SLC24A3: variants seen among roughly 807,000 people sequenced by gnomAD.
SLC24A3 encodes solute carrier family 24 member 3.
A neutral mutation model predicts 75.8 loss-of-function variants in SLC24A3; 28 were observed. The observed-to-expected ratio is 0.37, with a 90% confidence interval of 0.27 to 0.51. The LOEUF is 0.51. SLC24A3 is among the 20% of genes least tolerant of loss of function. SLC24A3 has a pLI of 0.94. For synonymous variants in SLC24A3, 372 were observed against 334.1 expected (o/e 1.11, Z -1.24); for missense variants, 663 against 847.8 (o/e 0.78, Z 2.71).
At position 19,593,784 on chromosome 20, in the gene SLC24A3, G is replaced by GC. The variant is rs1444643590; in HGVS notation, c.612+8243dup. Among the ~76,000 whole-genome samples, 6 of 152,264 alleles carry GC rather than the reference G, an allele frequency of 3.9e-5. No homozygotes were observed. The East Asian group carries it at 1.2e-3, about 29-fold the overall frequency. On this transcript the variant is annotated intron_variant, in intron 6 of 16. Coordinates refer to ENST00000328041, the MANE Select transcript of SLC24A3 (RefSeq NM_020689.4). Reference sequence around the variant, plus strand: ...CCTCAACATTCCTTCACAGCTCAGTGCCCTCTTATCACCATGCAACCCACT... The same window carrying GC: ...CCTCAACATTCCTTCACAGCTCAGTGCCCCTCTTATCACCATGCAACCCACT...
chr20:19,224,708 G>C (rs1309607249), intron 1 of SLC24A3, among the ~76,000 whole-genome samples: 2 of 152,098 alleles, frequency 1.3e-5, no homozygotes, highest in African/African-American at 4.8e-5. Flanking sequence ...AACTCTTGGG[G>C]ACCATTGAAT....
chr20:19,510,275 A>C (rs1032312387), intron 2 of SLC24A3, among the ~76,000 whole-genome samples: 2 of 152,202 alleles, frequency 1.3e-5, no homozygotes, highest in African/African-American at 2.4e-5. Context: ...CCTAAGTCTT[A>C]ACATTGGGGT....
intron 2 of SLC24A3, among the ~76,000 whole-genome samples, chr20:19,467,796 G>A (rs1485803526): frequency 6.6e-6 from 1 of 151,728 alleles, no homozygotes; most frequent in African/African-American, 2.4e-5. Flanking sequence ...AACGAGAATA[G>A]CTTGAACCTG....
chr20:19,493,926 T>C (rs1431951027), intron 2 of SLC24A3, among the ~76,000 whole-genome samples: 2 of 152,206 alleles, frequency 1.3e-5, no homozygotes, highest in Non-Finnish European at 2.9e-5. Flanking sequence ...AAATGCTCTC[T>C]CTCGGGTGTC....
At chr20:19,659,004 G>A (rs1266482562) in intron 7 of SLC24A3, among the ~76,000 whole-genome samples, 1 of 152,172 alleles carries the variant, frequency 6.6e-6, no homozygotes, top group Admixed American at 6.5e-5. Flanking sequence ...CATTACATAG[G>A]CAGTCTAGCA....
At chr20:19,437,560 G>T (rs1405794140) in intron 2 of SLC24A3, among the ~76,000 whole-genome samples, 1 of 152,206 alleles carries the variant, frequency 6.6e-6, no homozygotes. Flanking sequence ...AGCAAGAAGT[G>T]CTGGGGCCAA....
chr20:19,514,300 C>G (rs2029940528), intron 2 of SLC24A3, among the ~76,000 whole-genome samples: 1 of 152,226 alleles, frequency 6.6e-6, no homozygotes, highest in Non-Finnish European at 1.5e-5. Context: ...CACAGTGCAT[C>G]CTGGAGTCAT....
At chr20:19,609,605 C>A (rs139102613) in intron 6 of SLC24A3, among the ~76,000 whole-genome samples, 428 of 152,120 alleles carry the variant, frequency 2.8e-3, no homozygotes, top group African/African-American at 9.6e-3. Context: ...TGTGTTGTTC[C>A]CCTCCCTGTG....
intron 2 of SLC24A3, among the ~76,000 whole-genome samples, chr20:19,325,765 C>CATATATATATATAT (rs1491578632): frequency 1.9e-4 from 8 of 43,084 alleles, no homozygotes; most frequent in African/African-American, 3.7e-4. Flanking sequence ...TACATACATA[C>CATATATATATATAT]ATATATATAT....
At chr20:19,219,997 G>T (rs1314417093) in intron 1 of SLC24A3, among the ~76,000 whole-genome samples, 1 of 152,160 alleles carries the variant, frequency 6.6e-6, no homozygotes, top group African/African-American at 2.4e-5. Flanking sequence ...AAAGGGAGGT[G>T]GGTGGATTAG....
chr20:19,266,315 T>G (rs1404499479), intron 1 of SLC24A3, among the ~76,000 whole-genome samples: 3 of 152,214 alleles, frequency 2.0e-5, no homozygotes, highest in African/African-American at 7.2e-5. Context: ...TGCTCTTTCT[T>G]CTCCTCACCC....
chr20:19,375,979 T>G (rs539635943), intron 2 of SLC24A3, among the ~76,000 whole-genome samples: 37 of 152,306 alleles, frequency 2.4e-4, no homozygotes, highest in African/African-American at 8.9e-4. Context: ...CTTGCGTGTC[T>G]TGAGAGAGAC....
intron 15 of SLC24A3, among the ~76,000 whole-genome samples, chr20:19,707,603 G>A (rs1162803962): frequency 4.6e-5 from 7 of 152,158 alleles, no homozygotes; most frequent in African/African-American, 1.7e-4. Flanking sequence ...GGGGAGACAG[G>A]TCAAGGAGCT....
At chr20:19,452,593 T>C (rs1482863513) in intron 2 of SLC24A3, among the ~76,000 whole-genome samples, 1 of 152,048 alleles carries the variant, frequency 6.6e-6, no homozygotes, top group Non-Finnish European at 1.5e-5. Flanking sequence ...TGTGGGGACA[T>C]TATGTTCCAC....
intron 2 of SLC24A3, among the ~76,000 whole-genome samples, chr20:19,397,238 T>G (rs895535811): frequency 6.6e-6 from 1 of 152,238 alleles, no homozygotes; most frequent in East Asian, 1.9e-4. Context: ...AAATCATACA[T>G]TATCTTTTTC....
At chr20:19,685,717 A>G (rs940243699) in intron 12 of SLC24A3, among the ~76,000 whole-genome samples, 4 of 152,194 alleles carry the variant, frequency 2.6e-5, no homozygotes, top group African/African-American at 9.6e-5. Flanking sequence ...GCTGCAGCTG[A>G]GGAGATAGGA....
At chr20:19,251,208 G>C (rs1012414110) in intron 1 of SLC24A3, among the ~76,000 whole-genome samples, 4 of 152,166 alleles carry the variant, frequency 2.6e-5, no homozygotes, top group Non-Finnish European at 5.9e-5. Context: ...GGGTAGCACT[G>C]ATACAAGCTT....
intron 6 of SLC24A3, among the ~76,000 whole-genome samples, chr20:19,644,368 C>T (rs920204836): frequency 6.6e-6 from 1 of 152,138 alleles, no homozygotes; most frequent in East Asian, 1.9e-4. Flanking sequence ...CTGGGCACCT[C>T]GGCAGCATAC....
At chr20:19,378,914 A>AGG in intron 2 of SLC24A3, among the ~76,000 whole-genome samples, 1 of 152,034 alleles carries the variant, frequency 6.6e-6, no homozygotes, top group African/African-American at 2.4e-5. Context: ...GCTCAAAAAA[A>AGG]AAAAAAAGGA....
Sources: allele counts gnomAD v4.1 joint callset (sites outside exome capture counted in the v4.1 genomes callset), GRCh38; gene constraint gnomAD v4.1.1; transcripts MANE v1.5; gene names NCBI Gene and HGNC (gene_info 2026-07-23, HGNC 2026-07-21).